Variants in CHAT observed in about 807,000 individuals in gnomAD.
CHAT encodes the protein acetyl CoA:choline O-acetyltransferase.
In CHAT, 61 loss-of-function variants were observed where a neutral mutation model predicts 76.9. The observed-to-expected ratio is 0.79, with a 90% CI of 0.65 to 0.98. The LOEUF (loss-of-function observed/expected upper bound fraction) is 0.98, where lower values mean the gene tolerates loss of function less well. CHAT is among the 50% of genes least tolerant of loss of function. The probability of loss-of-function intolerance (pLI) is 0.00; values close to 1 mark genes in which losing one functional copy is unlikely to be tolerated. For synonymous variants in CHAT, 407 were observed against 397.4 expected, an observed-to-expected ratio of 1.02 and a Z score of -0.29; for missense variants, 946 against 986.9, an observed-to-expected ratio of 0.96 and a Z score of 0.56.
upstream of CHAT, chr10:49,611,931 C>G (rs1838309376): frequency 6.2e-7 from 1 of 1,612,328 alleles, no homozygotes; most frequent in Non-Finnish European, 8.5e-7. Context: ...TAGCCCTAGT[C>G]GACACAGCAC....
chr10:49,642,251 C>T (rs1839506344), intron 7 of CHAT, among the ~76,000 whole-genome samples: 1 of 152,244 alleles, frequency 6.6e-6, no homozygotes, highest in South Asian at 2.1e-4. Flanking sequence ...ATTTGGGCCA[C>T]AGTCATGGTG....
upstream of CHAT, chr10:49,612,448 C>T: frequency 9.2e-7 from 1 of 1,082,760 alleles, no homozygotes; most frequent in Non-Finnish European, 1.3e-6. Context: ...GCGAGTACCC[C>T]AGCCACTCCT....
At chr10:49,612,704 C>T (rs1185265149), upstream of CHAT, 1 of 249,260 alleles carries the variant, frequency 4.0e-6, no homozygotes, top group African/African-American at 2.2e-5. Flanking sequence ...AATCAATAAA[C>T]TGTGTCTGTC....
chr10:49,650,141 G>A (rs1035329960), intron 10 of CHAT, among the ~76,000 whole-genome samples: 3 of 152,182 alleles, frequency 2.0e-5, no homozygotes, highest in South Asian at 2.1e-4. Context: ...TGGCAACCAC[G>A]TCTGCACTGT....
chr10:49,641,110 C>T (rs1839466341), intron 7 of CHAT, among the ~76,000 whole-genome samples: 1 of 152,212 alleles, frequency 6.6e-6, no homozygotes, highest in Non-Finnish European at 1.5e-5. Context: ...CTCACATGGC[C>T]TTCTCTCTGT....
At chr10:49,648,640 C>G (rs774487632) in intron 9 of CHAT, 33 bp downstream of exon 9, 2 of 1,499,772 alleles carry the variant, frequency 1.3e-6, no homozygotes, top group Non-Finnish European at 1.8e-6. Context: ...CCATGCTGGG[C>G]CCAAAAAAAT....
Position 49,666,096 on chromosome 10 carries a change from C to G in CHAT, c.*1050C>G, listed in dbSNP as rs551110503. ...GGCAGCTGGGCTCCTTTATTTGGAG[C>G]AGGCTATCCAGGGACTCTGACAAAA... On this transcript the variant is annotated 3_prime_UTR_variant, in exon 15 of 15. Transcript: ENST00000337653. 5.9e-4 allele frequency among the ~76,000 whole-genome samples: 90 copies of G among 152,320 alleles called. No individual in the cohort carries two copies. The highest frequency in any genetic ancestry group is 2.2e-4 in the Non-Finnish European group (15 of 68,020).
rs1293074931 is a variant in CHAT at position 49,664,764 on chromosome 10, T to C, written c.1978-13T>C. On this transcript the variant is annotated splice_polypyrimidine_tract_variant and intron_variant, in intron 14 of 14. Coordinates refer to ENST00000337653, the MANE Select transcript of CHAT (RefSeq NM_020549.5). ...TCCAGAACAAGCAGCTCCTGACCTGTCCTCTCCTCCAGGTGCCCACAACCA... is the reference window on the plus strand; with the variant it reads ...TCCAGAACAAGCAGCTCCTGACCTGCCCTCTCCTCCAGGTGCCCACAACCA... 1.2e-6 allele frequency: 2 copies of C among 1,614,208 alleles called. No homozygotes were observed. Among genetic ancestry groups the C allele is most frequent in the Non-Finnish European group, 1.7e-6 (2 of 1,180,040 alleles).
chr10:49,625,416 C>T (rs1402788306), intron 5 of CHAT, 57 bp from the exon 6 acceptor site: 9 of 1,541,998 alleles, frequency 5.8e-6, no homozygotes, highest in Non-Finnish European at 8.0e-6. Flanking sequence ...TTCTCTGTCT[C>T]CCCTCACCAC....
rs1450999882 is a variant in CHAT, at chr10:49,666,538, T to C, written c.*1492T>C. 6.6e-6 allele frequency among the ~76,000 whole-genome samples: 1 copy of C among 152,198 alleles called. No homozygotes were observed. The highest frequency in any genetic ancestry group is 2.4e-5 in the African/African-American group (1 of 41,466). On this transcript the variant is annotated 3_prime_UTR_variant, in exon 15 of 15. Transcript: ENST00000337653. ...ACTCTGCTCTAGCCCAGCAATCCTG[T>C]AGGTCTCCCTTCTTTGTGCCACTGT...
chr10:49,635,267 G>A (rs1211895608), intron 7 of CHAT, among the ~76,000 whole-genome samples: 1 of 152,174 alleles, frequency 6.6e-6, no homozygotes, highest in Non-Finnish European at 1.5e-5. Flanking sequence ...TGTATCAACA[G>A]TTCTTTCCTT....
chr10:49,623,601 A>G (rs560085100), intron 5 of CHAT, among the ~76,000 whole-genome samples: 5 of 152,130 alleles, frequency 3.3e-5, no homozygotes, highest in African/African-American at 1.2e-4. Context: ...TGAGTCCCAC[A>G]CTCGCTCATC....
At chr10:49,663,275 G>T (rs759453565) in intron 14 of CHAT, among the ~76,000 whole-genome samples, 11 of 152,106 alleles carry the variant, frequency 7.2e-5, no homozygotes, top group African/African-American at 1.2e-4. Context: ...TCCTAAATGG[G>T]AGTAATCAGC....
intron 13 of CHAT, among the ~76,000 whole-genome samples, chr10:49,659,736 C>A (rs1430969361): frequency 6.6e-6 from 1 of 152,062 alleles, no homozygotes; most frequent in Admixed American, 6.6e-5. Context: ...GTGGCACATA[C>A]CTGTAATCCC....
intron 7 of CHAT, among the ~76,000 whole-genome samples, chr10:49,629,232 C>A (rs1417852789): frequency 6.6e-6 from 1 of 152,176 alleles, no homozygotes; most frequent in Non-Finnish European, 1.5e-5. Flanking sequence ...CAGTCTGGGC[C>A]CAGTTACATT....
intron 14 of CHAT, 123 bp downstream of exon 14, chr10:49,662,905 G>C (rs1840242175): frequency 4.1e-6 from 5 of 1,207,562 alleles, no homozygotes; most frequent in Non-Finnish European, 6.1e-6. Context: ...TGAACTATGT[G>C]ATCTTCAGCA....
intron 6 of CHAT, 132 bp downstream of exon 6, chr10:49,625,785 C>A: frequency 1.0e-6 from 1 of 970,544 alleles, no homozygotes; most frequent in Non-Finnish European, 1.6e-6. Context: ...ACCATGTCTC[C>A]AAAGTGGGGC....
intron 4 of CHAT, 51 bp downstream of exon 4, chr10:49,620,664 G>T (rs1232256082): frequency 7.0e-7 from 1 of 1,426,818 alleles, no homozygotes; most frequent in Non-Finnish European, 9.9e-7. Context: ...CCCAAGGCAG[G>T]GGCCCTTACC....
chr10:49,611,291 T>C, upstream of CHAT: 2 of 1,609,292 alleles, frequency 1.2e-6, no homozygotes, highest in Non-Finnish European at 1.7e-6. Flanking sequence ...GCGCGCAGCC[T>C]GCAGGGCCTG....
Sources: gnomAD v4.1 joint callset for allele counts (sites outside exome capture counted in the v4.1 genomes callset) on GRCh38, gnomAD v4.1.1 for gene constraint, MANE v1.5 for transcripts, NCBI Gene and HGNC (gene_info 2026-07-23, HGNC 2026-07-21) for gene names.